Variants in TAFA1 observed in about 807,000 individuals in gnomAD.
TAFA1 encodes the protein TAFA chemokine like family member 1.
TAFA1 carries 4 observed loss-of-function variants against 18.5 expected under a neutral mutation model. The observed-to-expected ratio is 0.22, with a 90% CI of 0.11 to 0.49. TAFA1 has a LOEUF of 0.49. Ranked by LOEUF, TAFA1 falls within the 20% of genes least tolerant of loss-of-function variation. TAFA1 has a pLI of 0.98. For synonymous variants in TAFA1, 56 were observed against 55.2 expected, an observed-to-expected ratio of 1.01 and a Z score of -0.06; for missense variants, 147 against 169.0, an observed-to-expected ratio of 0.87 and a Z score of 0.72.
intron 2 of TAFA1, among the ~76,000 whole-genome samples, chr3:68,175,146 G>A (rs368088599): frequency 1.0e-3 from 158 of 152,328 alleles, no homozygotes; most frequent in African/African-American, 3.4e-3. Context: ...GTAGATGTAT[G>A]GAAACACCTG....
At position 68,498,777 on chromosome 3, in the gene TAFA1, A is replaced by G. The variant is rs756158717; in HGVS notation, c.260-39979A>G. Among the ~76,000 whole-genome samples, 3 of 119,458 alleles carry G rather than the reference A, an allele frequency of 2.5e-5. No homozygotes were observed. In the East Asian group the frequency reaches 7.3e-4, roughly 29 times the overall value. 78.4% of individuals were successfully genotyped at this position (119,458 alleles called of 152,430 possible). A position where few individuals can be genotyped will look rare whatever the true frequency, so the allele number is the denominator to read the frequency against. ...TTTTTTGAGAGAGAGAGAGAAAACT[A>G]TTTTAGTGGCCACCATGTAGAAAGA... is the stretch of plus-strand genomic sequence containing the variant. On this transcript the variant is annotated intron_variant, in intron 3 of 4. Coordinates refer to ENST00000478136, the MANE Select transcript of TAFA1 (RefSeq NM_213609.4).
intron 2 of TAFA1, among the ~76,000 whole-genome samples, chr3:68,117,742 G>A (rs1230432692): frequency 6.6e-6 from 1 of 152,182 alleles, no homozygotes; most frequent in Non-Finnish European, 1.5e-5. Flanking sequence ...CTTAATGTAA[G>A]TGTTATGTCT....
intron 2 of TAFA1, among the ~76,000 whole-genome samples, chr3:68,074,613 C>G (rs973458257): frequency 1.3e-5 from 2 of 152,158 alleles, no homozygotes; most frequent in East Asian, 3.9e-4. Context: ...ACTTGTAACC[C>G]TGACTGTGAG....
At chr3:68,395,250 T>G (rs62245799) in intron 2 of TAFA1, among the ~76,000 whole-genome samples, 52,164 of 152,032 alleles carry the variant, frequency 0.34, 10,063 homozygotes, top group Non-Finnish European at 0.42. Flanking sequence ...AGATACCATC[T>G]CAACCAGTTA....
At chr3:68,499,920 C>A (rs1208968879) in intron 3 of TAFA1, among the ~76,000 whole-genome samples, 1 of 148,038 alleles carries the variant, frequency 6.8e-6, no homozygotes, top group African/African-American at 2.5e-5. Context: ...CAAGTAAAGT[C>A]CAGGGATAAA....
intron 2 of TAFA1, among the ~76,000 whole-genome samples, chr3:68,256,439 A>G (rs968148917): frequency 4.6e-5 from 7 of 152,144 alleles, no homozygotes; most frequent in African/African-American, 1.7e-4. Context: ...TGGTTACCAC[A>G]TCTGTAAAGT....
chr3:68,469,759 T>A (rs943677317), intron 3 of TAFA1, among the ~76,000 whole-genome samples: 1 of 152,228 alleles, frequency 6.6e-6, no homozygotes, highest in Non-Finnish European at 1.5e-5. Flanking sequence ...CTGGCTTTGA[T>A]GTTAGATAAC....
chr3:68,010,273 G>A (rs1704445674), intron 2 of TAFA1, among the ~76,000 whole-genome samples: 1 of 152,112 alleles, frequency 6.6e-6, no homozygotes, highest in Non-Finnish European at 1.5e-5. Context: ...TCCTTGCATG[G>A]TAATATTGAT....
At chr3:68,076,470 C>G (rs1354132509) in intron 2 of TAFA1, among the ~76,000 whole-genome samples, 2 of 134,642 alleles carry the variant, frequency 1.5e-5, no homozygotes, top group African/African-American at 5.5e-5. Flanking sequence ...CCCCCACCCC[C>G]CACCAGTCCC....
intron 2 of TAFA1, among the ~76,000 whole-genome samples, chr3:68,014,462 C>G (rs1409566159): frequency 3.9e-5 from 6 of 152,036 alleles, no homozygotes. Context: ...GAAAGAGCAC[C>G]AGAGTAGGAG....
At chr3:68,134,523 G>C (rs1320548325) in intron 2 of TAFA1, among the ~76,000 whole-genome samples, 1 of 152,088 alleles carries the variant, frequency 6.6e-6, no homozygotes, top group Non-Finnish European at 1.5e-5. Context: ...GGAACAGCTG[G>C]TTCTTACTGT....
At chr3:68,479,247 T>A (rs1217299833) in intron 3 of TAFA1, among the ~76,000 whole-genome samples, 26 of 130,706 alleles carry the variant, frequency 2.0e-4, no homozygotes, top group African/African-American at 7.0e-4. Context: ...AAAAAATATA[T>A]ATATATATAT....
At chr3:68,469,054 A>G (rs73092834) in intron 3 of TAFA1, among the ~76,000 whole-genome samples, 31,380 of 152,122 alleles carry the variant, frequency 0.21, 4,078 homozygotes, top group East Asian at 0.43. Context: ...TTTCCAAGCA[A>G]TTGTTAGGAT....
chr3:68,160,705 T>G (rs1026377086), intron 2 of TAFA1, among the ~76,000 whole-genome samples: 3 of 152,206 alleles, frequency 2.0e-5, no homozygotes, highest in Non-Finnish European at 4.4e-5. Flanking sequence ...TTAATCAATT[T>G]CCCTACCGTC....
chr3:68,054,310 A>G (rs116714700), intron 2 of TAFA1, among the ~76,000 whole-genome samples: 1,649 of 151,834 alleles, frequency 0.011, 34 homozygotes, highest in African/African-American at 0.038. Context: ...TTCCCACTCT[A>G]TTAGTTCCCA....
chr3:68,437,651 C>A (rs1310529212), intron 3 of TAFA1, among the ~76,000 whole-genome samples: 1 of 152,058 alleles, frequency 6.6e-6, no homozygotes. Flanking sequence ...TTAAGGAATT[C>A]ATTCATTAAG....
At chr3:68,100,833 C>T (rs1033070635) in intron 2 of TAFA1, among the ~76,000 whole-genome samples, 1 of 152,076 alleles carries the variant, frequency 6.6e-6, no homozygotes, top group Non-Finnish European at 1.5e-5. Context: ...AGGAAAGATA[C>T]CCATTACGAT....
intron 2 of TAFA1, among the ~76,000 whole-genome samples, chr3:68,375,344 G>T (rs557737498): frequency 9.2e-5 from 14 of 152,036 alleles, no homozygotes; most frequent in Non-Finnish European, 1.9e-4. Flanking sequence ...AACCTATTTT[G>T]ATTCAAACGA....
At position 68,336,023 on chromosome 3, in the gene TAFA1, T is replaced by C. The variant is rs186524046; in HGVS notation, c.119-81257T>C. On this transcript the variant is annotated intron_variant, in intron 2 of 4. Transcript: ENST00000478136. The stretch of plus-strand genomic sequence containing the variant: ...CAGGTTATTAAGAAAGAGGCGAGCC[T>C]TGGAGCCTGGCAAACCTGGGCTTGA... Among the ~76,000 whole-genome samples, 964 of 152,300 alleles carry C rather than the reference T, an allele frequency of 6.3e-3. 8 individuals are homozygous for C. Among genetic ancestry groups the C allele is most frequent in the African/African-American group, 0.022 (924 of 41,562 alleles).
Sources: gnomAD v4.1 joint callset for allele counts (sites outside exome capture counted in the v4.1 genomes callset) on GRCh38, gnomAD v4.1.1 for gene constraint, MANE v1.5 for transcripts, NCBI Gene and HGNC (gene_info 2026-07-23, HGNC 2026-07-21) for gene names.